TOR1AIP1: variants seen among roughly 807,000 people sequenced by gnomAD.
The protein encoded by TOR1AIP1 is torsin 1A interacting protein 1, also known as torsin-1A-interacting protein 1.
In TOR1AIP1, 54 loss-of-function variants were observed where a neutral mutation model predicts 63.3. That is an observed-to-expected ratio of 0.85 (90% CI 0.69 to 1.07). The LOEUF (loss-of-function observed/expected upper bound fraction) is 1.07, where lower values mean the gene tolerates loss of function less well. TOR1AIP1 is among the 50% of genes least tolerant of loss of function. TOR1AIP1 has a pLI of 0.00. For missense variants in TOR1AIP1, 736 were observed against 715.0 expected, an observed-to-expected ratio of 1.03 and a Z score of -0.33; for synonymous variants, 294 against 273.5, an observed-to-expected ratio of 1.07 and a Z score of -0.74.
chr1:179,898,650 C>CTA (rs2148475868), intron 3 of TOR1AIP1, among the ~76,000 whole-genome samples: 1 of 152,146 alleles, frequency 6.6e-6, no homozygotes, highest in African/African-American at 2.4e-5. Context: ...GGATTACAGG[C>CTA]TAGGAGATGG....
intron 6 of TOR1AIP1, 38 bp from the exon 7 acceptor site, chr1:179,907,785 C>T (rs1648696410): frequency 1.3e-6 from 2 of 1,508,844 alleles, no homozygotes; most frequent in Admixed American, 2.2e-5. Context: ...TTGTTATTTT[C>T]AAGTATTCTA....
intron 3 of TOR1AIP1, among the ~76,000 whole-genome samples, chr1:179,891,938 G>A (rs116834968): frequency 0.016 from 2,492 of 152,266 alleles, 81 homozygotes; most frequent in African/African-American, 0.057. Flanking sequence ...TAATACGTTC[G>A]TTGAACGGGT....
chr1:179,901,364 T>C lies in TOR1AIP1; in HGVS notation c.715T>C (p.Ser239Pro). The C allele has an allele frequency of 6.2e-7, 1 of 1,607,356 alleles. No individual in the cohort carries two copies. Among genetic ancestry groups the C allele is most frequent in the Non-Finnish European group, 8.5e-7 (1 of 1,176,124 alleles). The change falls in exon 5 of 10, where the codon TCC becomes CCC. Residue 239 changes from serine (S) to proline (P), a missense_variant. Coordinates refer to ENST00000606911, the MANE Select transcript of TOR1AIP1 (RefSeq NM_015602.4). ...HSSVTTVKARSRDSDESGDKT... is the reference protein window; with the variant it reads ...HSSVTTVKARPRDSDESGDKT... ...CAGTGTCACTACTGTTAAGGCCAGA[T>C]CCAGGGATTCTGATGAATCTGGAGG...
In TOR1AIP1 at chr1:179,907,849, C is replaced by A; in HGVS notation, c.823C>A (p.Gln275Lys). The change falls in exon 7 of 10, where the codon CAA becomes AAA. Residue 275 changes from glutamine (Q) to lysine (K), a missense_variant. Around this residue, in one of 2 missense-constraint regions of TOR1AIP1, gnomAD observed 464 missense variants for 371.0 expected, o/e 1.25. Coordinates refer to ENST00000606911, the MANE Select transcript of TOR1AIP1 (RefSeq NM_015602.4). ...QSQNFTAHDK[Q>K]PSVLSSGYQK... Reference sequence around the variant, plus strand: ...TCAAAACTTCACAGCTCATGATAAGCAACCTTCAGTGCTAAGTAAGTAGTT... The same window carrying A: ...TCAAAACTTCACAGCTCATGATAAGAAACCTTCAGTGCTAAGTAAGTAGTT... The A allele has an allele frequency of 6.3e-7, 1 of 1,587,410 alleles. No individual in the cohort carries two copies. Among genetic ancestry groups the A allele is most frequent in the South Asian group, 1.1e-5 (1 of 87,922 alleles).
intron 2 of TOR1AIP1, among the ~76,000 whole-genome samples, chr1:179,885,139 C>T (rs1247500187): frequency 6.6e-6 from 1 of 152,184 alleles, no homozygotes; most frequent in African/African-American, 2.4e-5. Context: ...TGTTATACTG[C>T]CCTGTGTTTA....
intron 6 of TOR1AIP1, among the ~76,000 whole-genome samples, chr1:179,906,395 A>C (rs1571733661): frequency 6.6e-6 from 1 of 152,312 alleles, no homozygotes; most frequent in Non-Finnish European, 1.5e-5. Flanking sequence ...ATTCAGAAAA[A>C]GTTGAAAATA....
chr1:179,884,583 G>A (rs1647857680), intron 1 of TOR1AIP1, 109 bp from the exon 2 acceptor site: 2 of 883,294 alleles, frequency 2.3e-6, no homozygotes, highest in Middle Eastern at 2.5e-4. Context: ...CTAAAGAAAC[G>A]AATTTCTTGA....
chr1:179,913,823 T>G (rs1648909790), intron 8 of TOR1AIP1, among the ~76,000 whole-genome samples, 175 bp from the exon 9 acceptor site: 1 of 152,206 alleles, frequency 6.6e-6, no homozygotes, highest in African/African-American at 2.4e-5. Flanking sequence ...GTCATGTGTT[T>G]CAAGGAGCTC....
chr1:179,907,361 G>A (rs1251621888), intron 6 of TOR1AIP1, among the ~76,000 whole-genome samples: 2 of 150,456 alleles, frequency 1.3e-5, no homozygotes, highest in African/African-American at 2.4e-5. Flanking sequence ...CCTGGGAAGC[G>A]GAGGTTGCAG....
intron 8 of TOR1AIP1, chr1:179,913,704 C>T (rs1648906631): frequency 1.4e-6 from 1 of 701,332 alleles, no homozygotes; most frequent in Admixed American, 2.0e-5. Flanking sequence ...TCACCAATCC[C>T]ATTAGATACT....
Position 179,908,650 on chromosome 1 carries a change from C to T in TOR1AIP1, c.884C>T (p.Ala295Val), listed in dbSNP as rs147648930. The T allele has an allele frequency of 1.7e-5, 28 of 1,613,264 alleles. No individual in the cohort carries two copies. The highest frequency in any genetic ancestry group is 2.2e-5 in the Non-Finnish European group (26 of 1,179,498). Residue 295 changes from alanine to valine, a missense_variant, in exon 8 of 10, where the codon GCA (alanine) becomes GTA (valine). Ala to Val is a moderately conservative substitution (Grantham distance 64). Coordinates refer to ENST00000606911, the MANE Select transcript of TOR1AIP1 (RefSeq NM_015602.4). Reference protein sequence around the residue: ...KTPQEWAPQTARIRTRMQNDS... With the variant: ...KTPQEWAPQTVRIRTRMQNDS... Reference sequence around the variant, plus strand: ...CCCCAGGAATGGGCCCCACAAACTGCAAGAATAAGGACCAGGATGCAAAGT... The same window carrying T: ...CCCCAGGAATGGGCCCCACAAACTGTAAGAATAAGGACCAGGATGCAAAGT...
intron 3 of TOR1AIP1, among the ~76,000 whole-genome samples, chr1:179,895,342 G>A (rs970973306): frequency 9.2e-5 from 14 of 152,194 alleles, no homozygotes; most frequent in Non-Finnish European, 1.5e-5. Context: ...GCCAGGCATG[G>A]TGGCTCATGC....
In TOR1AIP1 at chr1:179,882,544, A is replaced by T. The variant is rs779187582; in HGVS notation, c.42A>T (p.Gly14=). ...GGCGGGCAGAGGCGGTGCGGGAAGG[A>T]TGGGGTGTGTACGTCACCCCCAGGG... is the stretch of plus-strand genomic sequence containing the variant. ...DGRRAEAVRE[G]WGVYVTPRAP... The change falls in exon 1 of 10, where the codon GGA becomes GGT. Residue 14 remains glycine, a synonymous_variant. Coordinates refer to ENST00000606911, the MANE Select transcript of TOR1AIP1 (RefSeq NM_015602.4). 2 of 1,490,678 alleles carry T rather than the reference A, an allele frequency of 1.3e-6. No homozygotes were observed. Among genetic ancestry groups the T allele is most frequent in the Non-Finnish European group, 1.8e-6 (2 of 1,123,186 alleles). 92.3% of individuals were successfully genotyped at this position (1,490,678 alleles called of 1,614,324 possible). A position where few individuals can be genotyped will look rare whatever the true frequency, so the allele number is the denominator to read the frequency against.
intron 9 of TOR1AIP1, among the ~76,000 whole-genome samples, chr1:179,916,861 C>G (rs1328740542): frequency 6.6e-6 from 1 of 151,862 alleles, no homozygotes; most frequent in African/African-American, 2.4e-5. Flanking sequence ...TGCCACCACA[C>G]CCAGCTAGTT....
intron 3 of TOR1AIP1, among the ~76,000 whole-genome samples, chr1:179,893,443 C>CT (rs1284448025): frequency 1.2e-4 from 18 of 151,630 alleles, no homozygotes; most frequent in Non-Finnish European, 1.3e-4. Context: ...ATCAAATAGT[C>CT]TTTTTTTTCT....
At chr1:179,884,811 CT>C in intron 2 of TOR1AIP1, 42 bp downstream of exon 2, 1 of 1,441,052 alleles carries the variant, frequency 6.9e-7, no homozygotes, top group Non-Finnish European at 9.6e-7. Context: ...TACCTACCAA[CT>C]TTTTAAATGT....
intron 3 of TOR1AIP1, among the ~76,000 whole-genome samples, chr1:179,894,662 G>A (rs979449366): frequency 6.6e-6 from 1 of 152,010 alleles, no homozygotes; most frequent in African/African-American, 2.4e-5. Context: ...CTCCACTGTC[G>A]GCAACAAGAG....
Position 179,908,671 on chromosome 1 carries a change from A to T in TOR1AIP1, c.905A>T (p.Gln302Leu). Reference protein sequence around the residue: ...PQTARIRTRMQNDSILKSELG... With the variant: ...PQTARIRTRMLNDSILKSELG... ...ACTGCAAGAATAAGGACCAGGATGC[A>T]AAGTAAGTAGATAAATCTCTGTTAT... is the stretch of plus-strand genomic sequence containing the variant. The change falls in exon 8 of 10, where the codon CAA becomes CTA. Residue 302 changes from glutamine to leucine, a missense_variant and splice_region_variant. Coordinates refer to ENST00000606911, the MANE Select transcript of TOR1AIP1 (RefSeq NM_015602.4). 3.7e-6 allele frequency: 6 copies of T among 1,612,364 alleles called. No individual in the cohort carries two copies. Among genetic ancestry groups the T allele is most frequent in the Non-Finnish European group, 5.1e-6 (6 of 1,178,864 alleles).
intron 8 of TOR1AIP1, among the ~76,000 whole-genome samples, chr1:179,913,123 T>G (rs1648892049): frequency 6.6e-6 from 1 of 151,702 alleles, no homozygotes; most frequent in Non-Finnish European, 1.5e-5. Context: ...TCTTTTCTTG[T>G]TTTTAATTTT....
Sources: gnomAD v4.1 joint callset for allele counts (sites outside exome capture counted in the v4.1 genomes callset) on GRCh38, gnomAD v4.1.1 for gene constraint, gnomAD v4.1.1 regional missense constraint, MANE v1.5 for transcripts, NCBI Gene and HGNC (gene_info 2026-07-23, HGNC 2026-07-21) for gene names.